The following TMEM17 variants were observed in gnomAD, a reference collection of about 807,000 sequenced individuals.
TMEM17 encodes the protein transmembrane protein 17.
In TMEM17, 15 loss-of-function variants were observed where a neutral mutation model predicts 19.1. The ratio of observed to expected loss-of-function variants is 0.78; its 90% CI spans 0.52 to 1.21. The LOEUF (loss-of-function observed/expected upper bound fraction) is 1.21. Ranked by LOEUF, TMEM17 falls within the 50% of genes most tolerant of loss-of-function variation. TMEM17 has a pLI of 0.00. For synonymous variants in TMEM17, 103 were observed against 86.9 expected, an observed-to-expected ratio of 1.19 and a Z score of -1.03; for missense variants, 245 against 242.3, an observed-to-expected ratio of 1.01 and a Z score of -0.07.
At position 62,505,703 on chromosome 2, in the gene TMEM17, C is replaced by T. The variant is rs796434263; in HGVS notation, c.100+327G>A. On this transcript the variant is annotated intron_variant, in intron 1 of 3. Coordinates refer to ENST00000335390, the MANE Select transcript of TMEM17 (RefSeq NM_198276.3). ...GGGGGACCAGCCTGTGCAGCAAGGG[C>T]GGCTTTTATCTTTTTATTTTTGGGG... 2.0e-5 allele frequency among the ~76,000 whole-genome samples: 3 copies of T among 152,258 alleles called. No individual in the cohort carries two copies. In the South Asian group the frequency reaches 6.2e-4, roughly 32 times the overall value.
the TMEM17 span, among the ~76,000 whole-genome samples, chr2:62,462,814 C>T: frequency 6.6e-6 from 1 of 152,170 alleles, no homozygotes. Flanking sequence ...GTCCCTCCTC[C>T]TTTCTCTACC....
At chr2:62,461,733 C>T in the TMEM17 span, among the ~76,000 whole-genome samples, 1 of 152,206 alleles carries the variant, frequency 6.6e-6, no homozygotes, top group Non-Finnish European at 1.5e-5. Flanking sequence ...TTTACCATCT[C>T]ATTAGCTGTC....
the TMEM17 span, among the ~76,000 whole-genome samples, chr2:62,457,205 C>T: frequency 6.6e-6 from 1 of 152,256 alleles, no homozygotes; most frequent in Non-Finnish European, 1.5e-5. This position sits in a 1 kb window ranked among gnomAD's most constrained non-coding sequence, Gnocchi z 4.2. Flanking sequence ...TGCCAAGCCC[C>T]CTGCCGTGCG....
chr2:62,491,436 C>A, the TMEM17 span: 3 of 152,190 alleles, frequency 2.0e-5, no homozygotes, highest in East Asian at 3.8e-4. Context: ...TGCATGCACT[C>A]CAGCCCGGGC....
At chr2:62,469,923 G>A in the TMEM17 span, among the ~76,000 whole-genome samples, 1 of 152,188 alleles carries the variant, frequency 6.6e-6, no homozygotes, top group Admixed American at 6.5e-5. Context: ...CCTTTCCGCA[G>A]TCCCTGAGAG....
chr2:62,470,854 C>A, the TMEM17 span, among the ~76,000 whole-genome samples: 18,162 of 152,286 alleles, frequency 0.12, 1,486 homozygotes, highest in African/African-American at 0.23. Flanking sequence ...AACCAACACC[C>A]TTATTTAACT....
rs1392563929 is a variant in TMEM17 at position 62,502,740 on chromosome 2, T to C, written c.155A>G (p.Tyr52Cys). 6.2e-7 allele frequency: 1 copy of C among 1,609,786 alleles called. No individual in the cohort carries two copies. Among genetic ancestry groups the C allele is most frequent in the Non-Finnish European group, 8.5e-7 (1 of 1,178,822 alleles). ...ALQMSLYFNTYYFPLWWVSSI... is the reference protein window; with the variant it reads ...ALQMSLYFNTCYFPLWWVSSI... ...GCTCACCCACCACAGTGGGAAATAG[T>C]AGGTATTAAAATAAAGTGACATCTG... is the stretch of plus-strand genomic sequence containing the variant. The change falls in exon 2 of 4, where the codon TAC (tyrosine) becomes TGC (cysteine). Residue 52 changes from tyrosine (Y) to cysteine (C), a missense_variant. Physicochemically the swap from Tyr to Cys is radical, Grantham distance 194. Coordinates refer to ENST00000335390, the MANE Select transcript of TMEM17 (RefSeq NM_198276.3).
the TMEM17 span, among the ~76,000 whole-genome samples, chr2:62,463,685 C>T: frequency 2.6e-5 from 4 of 152,230 alleles, no homozygotes; most frequent in African/African-American, 7.2e-5. Flanking sequence ...CAGAAAAGAG[C>T]GGGTCCCAGC....
At chr2:62,482,968 C>CA in the TMEM17 span, among the ~76,000 whole-genome samples, 7 of 152,194 alleles carry the variant, frequency 4.6e-5, no homozygotes, top group Non-Finnish European at 1.0e-4. Context: ...ATTCCTTATG[C>CA]ATGGGGAGCA....
At chr2:62,483,886 C>T in the TMEM17 span, among the ~76,000 whole-genome samples, 4 of 152,084 alleles carry the variant, frequency 2.6e-5, no homozygotes. Context: ...CAGGTGTGAG[C>T]CACCACACCC....
chr2:62,464,716 G>A, the TMEM17 span, among the ~76,000 whole-genome samples: 3 of 152,160 alleles, frequency 2.0e-5, no homozygotes, highest in East Asian at 3.8e-4. Context: ...TCCGTCTCCC[G>A]GAGCATTCAG....
the TMEM17 span, among the ~76,000 whole-genome samples, chr2:62,457,610 T>C: frequency 6.8e-6 from 1 of 147,228 alleles, no homozygotes; most frequent in African/African-American, 2.5e-5. This position sits in a 1 kb window ranked among gnomAD's most constrained non-coding sequence, Gnocchi z 4.2. Context: ...CTCGTGGTTC[T>C]ACCTTCGGAA....
the TMEM17 span, among the ~76,000 whole-genome samples, chr2:62,494,422 C>T: frequency 6.6e-6 from 1 of 152,058 alleles, no homozygotes; most frequent in Non-Finnish European, 1.5e-5. Flanking sequence ...AAAACTTCTA[C>T]TTTCTCGAGT....
the TMEM17 span, among the ~76,000 whole-genome samples, chr2:62,461,207 T>C: frequency 7.9e-5 from 12 of 152,262 alleles, no homozygotes; most frequent in Admixed American, 3.3e-4. Context: ...GTTCAGGTCC[T>C]GAACTCTGCT....
At chr2:62,468,482 C>T in the TMEM17 span, among the ~76,000 whole-genome samples, 5 of 152,208 alleles carry the variant, frequency 3.3e-5, no homozygotes, top group Admixed American at 3.3e-4. Flanking sequence ...AGTGGAATTA[C>T]AGTTGGGGTC....
chr2:62,492,716 G>C, the TMEM17 span, among the ~76,000 whole-genome samples: 75 of 152,350 alleles, frequency 4.9e-4, no homozygotes, highest in African/African-American at 1.7e-3. Context: ...TAAGAGTGGT[G>C]CCTGTCCCCA....
downstream of TMEM17, among the ~76,000 whole-genome samples, chr2:62,495,748 C>G (rs1004865461): frequency 6.6e-6 from 1 of 152,208 alleles, no homozygotes; most frequent in Non-Finnish European, 1.5e-5. Flanking sequence ...AAGACCAAAC[C>G]AAATTATTCC....
downstream of TMEM17, among the ~76,000 whole-genome samples, chr2:62,498,292 CAGG>C (rs1679822155): frequency 6.6e-6 from 1 of 151,764 alleles, no homozygotes; most frequent in African/African-American, 2.4e-5. Context: ...GATGCTGAGG[CAGG>C]AGGATCACTT....
At chr2:62,490,873 T>C in the TMEM17 span, among the ~76,000 whole-genome samples, 1 of 151,876 alleles carries the variant, frequency 6.6e-6, no homozygotes, top group Non-Finnish European at 1.5e-5. Flanking sequence ...GGCCAGGAGT[T>C]TGAGACCAGC....
Sources: allele counts gnomAD v4.1 joint callset (sites outside exome capture counted in the v4.1 genomes callset), GRCh38; gene constraint gnomAD v4.1.1; non-coding constraint Gnocchi (gnomAD v3.1); transcripts MANE v1.5; gene names NCBI Gene and HGNC (gene_info 2026-07-23, HGNC 2026-07-21).